Variants in POLA1 observed in about 807,000 individuals in gnomAD.
POLA1 encodes DNA polymerase alpha catalytic subunit.
A neutral mutation model predicts 124.0 loss-of-function variants in POLA1; 15 were observed. The observed-to-expected ratio is 0.12, with a 90% CI of 0.08 to 0.19. The LOEUF is 0.19. Among genes scored for constraint, POLA1 ranks in the 10% least tolerant of loss-of-function variants. The probability of loss-of-function intolerance (pLI) is 1.00; values close to 1 mark genes in which losing one functional copy is unlikely to be tolerated. For synonymous variants in POLA1, 408 were observed against 389.4 expected, an observed-to-expected ratio of 1.05 and a Z score of -0.56; for missense variants, 886 against 1,103.4, an observed-to-expected ratio of 0.80 and a Z score of 2.79.
At chrX:24,711,661 G>A (rs780057132) in intron 4 of POLA1, among the ~76,000 whole-genome samples, 16 of 110,782 alleles carry the variant, frequency 1.4e-4, no homozygotes, top group Admixed American at 2.9e-4. Context: ...ACAATGGCGC[G>A]ATCTCGGCTC....
chrX:24,913,859 C>G (rs2147185026), intron 35 of POLA1, among the ~76,000 whole-genome samples: 1 of 109,736 alleles, frequency 9.1e-6, no homozygotes, highest in East Asian at 2.9e-4. Context: ...AAAACCCCAT[C>G]TCTATTAAAA....
At chrX:24,709,097 G>A (rs868473028) in intron 4 of POLA1, among the ~76,000 whole-genome samples, 3,336 of 75,068 alleles carry the variant, frequency 0.044, 55 homozygotes, top group Middle Eastern at 0.083. Flanking sequence ...CGGACGGGGC[G>A]GCTGGCCGGG....
intron 32 of POLA1, among the ~76,000 whole-genome samples, chrX:24,826,903 T>C (rs1399832046): frequency 9.0e-6 from 1 of 111,335 alleles, no homozygotes; most frequent in Non-Finnish European, 1.9e-5. Context: ...AGTCACCGAG[T>C]TTACATTGTT....
intron 35 of POLA1, among the ~76,000 whole-genome samples, chrX:24,892,744 C>G (rs1003927548): frequency 1.8e-5 from 2 of 112,234 alleles, no homozygotes; most frequent in South Asian, 7.4e-4. Context: ...GTGACTCTCA[C>G]GATCATGGTA....
rs2230928 is a variant in POLA1 at position 24,741,425 on chromosome X, A to C, written c.2267A>C (p.Lys756Thr). 1.7e-5 allele frequency: 20 copies of C among 1,196,337 alleles called. No individual in the cohort carries two copies. Among genetic ancestry groups the C allele is most frequent in the Non-Finnish European group, 2.3e-5 (20 of 881,528 alleles). ...TTGGAACACACCTGGAAAGATGCCAAGTTCATTTTGCAGATCATGTGTGAG... is the reference window on the plus strand; with the variant it reads ...TTGGAACACACCTGGAAAGATGCCACGTTCATTTTGCAGATCATGTGTGAG... ...YLLEHTWKDAKFILQIMCELN... is the reference protein window; with the variant it reads ...YLLEHTWKDATFILQIMCELN... Residue 756 changes from lysine (K) to threonine (T), a missense_variant, in exon 21 of 37, where the codon AAG (lysine) becomes ACG (threonine). Transcript: ENST00000379068.
rs61464840 is a variant in POLA1 at position 24,971,931 on chromosome X, G to GATTTTATTTTATTTTATTTT, written c.4262-23837_4262-23818dup. 9.9e-3 allele frequency among the ~76,000 whole-genome samples: 858 copies of GATTTTATTTTATTTTATTTT among 86,898 alleles called. 21 individuals are homozygous for GATTTTATTTTATTTTATTTT. Among genetic ancestry groups the GATTTTATTTTATTTTATTTT allele is most frequent in the African/African-American group, 0.027 (591 of 21,713 alleles). 75.5% of individuals were successfully genotyped at this position (86,898 alleles called of 115,157 possible). On this transcript the variant is annotated intron_variant, in intron 36 of 36. Coordinates refer to ENST00000379068, the MANE Select transcript of POLA1 (RefSeq NM_001330360.2). ...TCATGAAAAGGGAATGGATGTGGAA[G>GATTTTATTTTATTTTATTTT]ATTTTATTTTATTTTATTTTATTTT...
chrX:24,902,951 C>G lies in POLA1; in HGVS notation c.4164+14829C>G, dbSNP rs1025470491. 3.6e-5 allele frequency among the ~76,000 whole-genome samples: 4 copies of G among 112,111 alleles called. No homozygotes were observed. In the Admixed American group the frequency reaches 3.8e-4, roughly 11 times the overall value. On this transcript the variant is annotated intron_variant, in intron 35 of 36. Coordinates refer to ENST00000379068, the MANE Select transcript of POLA1 (RefSeq NM_001330360.2). ...TGAAGTTTGCTTGTGGAAGTGGACTCAGAAGGATTGCAGCTGTGAGTCATG... is the reference window on the plus strand; with the variant it reads ...TGAAGTTTGCTTGTGGAAGTGGACTGAGAAGGATTGCAGCTGTGAGTCATG...
At chrX:24,804,567 T>G (rs968481849) in intron 26 of POLA1, among the ~76,000 whole-genome samples, 1 of 112,003 alleles carries the variant, frequency 8.9e-6, no homozygotes, top group African/African-American at 3.2e-5. Context: ...GAATTTCACC[T>G]TACTCAACAT....
At chrX:24,752,557 G>GT (rs1932374740) in intron 26 of POLA1, among the ~76,000 whole-genome samples, 1 of 111,825 alleles carries the variant, frequency 8.9e-6, no homozygotes, top group Non-Finnish European at 1.9e-5. Flanking sequence ...AAGAAAAGGG[G>GT]TATCAGTTGT....
chrX:24,828,606 A>G (rs2046211876), intron 32 of POLA1, among the ~76,000 whole-genome samples: 1 of 111,741 alleles, frequency 8.9e-6, no homozygotes, highest in African/African-American at 3.3e-5. Flanking sequence ...TAAAGAGTAG[A>G]TCTCCGAGTT....
At chrX:24,743,432 G>C in intron 23 of POLA1, 103 bp downstream of exon 23, 1 of 412,903 alleles carries the variant, frequency 2.4e-6, no homozygotes, top group Non-Finnish European at 4.2e-6. Flanking sequence ...TTATAGATCA[G>C]CGAATAGGTC....
intron 32 of POLA1, among the ~76,000 whole-genome samples, chrX:24,828,816 G>A (rs1241745911): frequency 3.6e-5 from 4 of 111,594 alleles, no homozygotes; most frequent in African/African-American, 1.3e-4. Flanking sequence ...GCCTGCTTGG[G>A]TGGATTGGCC....
At position 24,842,119 on chromosome X, in the gene POLA1, TATA is replaced by T; in HGVS notation, c.3915+292_3915+294del. 1.5e-5 allele frequency: 3 copies of T among 201,046 alleles called. 1 individual carries two copies. The South Asian group carries it at 5.0e-4, about 33-fold the overall frequency. The allele number at this position is 201,046 out of a possible 1,213,427, so 16.6% of individuals were successfully genotyped here. A position where few individuals can be genotyped will look rare whatever the true frequency, so the allele number is the denominator to read the frequency against. On this transcript the variant is annotated intron_variant, in intron 33 of 36. Transcript: ENST00000379068. ...CTAAATTATCTTAAAGTATTTTTAT[TATA>T]ATTTCTTAATTAGTAACCTGTATTG...
chrX:24,791,570 G>C (rs192270662), intron 26 of POLA1, among the ~76,000 whole-genome samples: 48 of 112,103 alleles, frequency 4.3e-4, no homozygotes, highest in African/African-American at 1.5e-3. Flanking sequence ...ATTTTTAGTA[G>C]AGATGGAGTT....
intron 31 of POLA1, among the ~76,000 whole-genome samples, chrX:24,825,105 T>G (rs2046151411): frequency 1.8e-5 from 2 of 112,190 alleles, no homozygotes; most frequent in South Asian, 7.4e-4. Flanking sequence ...TTTTTTCACG[T>G]GGTTTTTATC....
chrX:24,741,913 A>T, intron 21 of POLA1, 89 bp from the exon 22 acceptor site: 1 of 638,309 alleles, frequency 1.6e-6, no homozygotes, highest in Non-Finnish European at 2.4e-6. Context: ...GTTTTGAAGG[A>T]GGTGCTGTGA....
intron 36 of POLA1, among the ~76,000 whole-genome samples, chrX:24,979,635 C>G (rs2048400205): frequency 8.9e-6 from 1 of 112,315 alleles, no homozygotes; most frequent in Non-Finnish European, 1.9e-5. Flanking sequence ...CTACTGTCCA[C>G]TTTCTCCTCA....
intron 4 of POLA1, 80 bp downstream of exon 4, chrX:24,704,549 T>C (rs769959878): frequency 4.7e-6 from 3 of 633,979 alleles, no homozygotes; most frequent in African/African-American, 4.4e-5. Context: ...GATACTCTGA[T>C]AGTTTACCTT....
chrX:24,931,101 A>G (rs1601882791), intron 36 of POLA1, among the ~76,000 whole-genome samples: 1 of 111,306 alleles, frequency 9.0e-6, no homozygotes. Flanking sequence ...ACTTGCGGGC[A>G]CTGTGGGACT....
Sources: allele counts gnomAD v4.1 joint callset (sites outside exome capture counted in the v4.1 genomes callset), GRCh38; gene constraint gnomAD v4.1.1; transcripts MANE v1.5; gene names NCBI Gene and HGNC (gene_info 2026-07-23, HGNC 2026-07-21).